Variants in CEP83 observed in about 807,000 individuals in gnomAD.
CEP83 encodes centrosomal protein of 83 kDa.
Under a neutral mutation model 101.9 loss-of-function variants are expected in CEP83, and 70 were observed. That is an observed-to-expected ratio of 0.69 (90% CI 0.57 to 0.84). The LOEUF (loss-of-function observed/expected upper bound fraction) is 0.84. Ranked by LOEUF, CEP83 falls within the 40% of genes least tolerant of loss-of-function variation. The probability of loss-of-function intolerance (pLI) is 0.00; values close to 1 mark genes in which losing one functional copy is unlikely to be tolerated. For missense variants in CEP83, 715 were observed against 787.2 expected (o/e 0.91, Z 1.10); for synonymous variants, 264 against 267.9 (o/e 0.99, Z 0.14).
chr12:94,355,195 C>T (rs2060396240), intron 11 of CEP83, among the ~76,000 whole-genome samples: 1 of 151,992 alleles, frequency 6.6e-6, no homozygotes, highest in African/African-American at 2.4e-5. Context: ...CCCCAGGGAA[C>T]TAGAAAAACA....
intron 14 of CEP83, among the ~76,000 whole-genome samples, chr12:94,326,770 T>C (rs2058989986): frequency 1.3e-5 from 2 of 152,086 alleles, no homozygotes; most frequent in South Asian, 4.1e-4. Context: ...GATGTGCCTG[T>C]CTAAAACCCA....
intron 2 of CEP83, chr12:94,425,008 A>C (rs537173244): frequency 4.9e-4 from 491 of 1,011,044 alleles, no homozygotes; most frequent in Middle Eastern, 7.7e-4. Context: ...AGAGAGAGAG[A>C]GAGAGAAAGG....
chr12:94,419,054 T>TAA (rs886692784), intron 2 of CEP83, among the ~76,000 whole-genome samples: 1 of 142,672 alleles, frequency 7.0e-6, no homozygotes, highest in Non-Finnish European at 1.5e-5. Flanking sequence ...GTATAAAAAC[T>TAA]AAAAAAAAAA....
intron 2 of CEP83, chr12:94,423,943 C>T: frequency 6.2e-7 from 1 of 1,612,376 alleles, no homozygotes; most frequent in Non-Finnish European, 8.5e-7. Context: ...GGCCCAGTTG[C>T]TGGGTAAGGG....
chr12:94,455,230 C>T (rs939103485), intron 1 of CEP83, among the ~76,000 whole-genome samples: 1 of 152,168 alleles, frequency 6.6e-6, no homozygotes, highest in Admixed American at 6.5e-5. Context: ...TTGCATGCCC[C>T]TTAAGTTTAA....
the CEP83 span, among the ~76,000 whole-genome samples, chr12:94,291,856 C>T: frequency 6.6e-6 from 1 of 152,146 alleles, no homozygotes. Flanking sequence ...TTGATCCCAT[C>T]ACCCAGTGAA....
intron 11 of CEP83, among the ~76,000 whole-genome samples, chr12:94,343,426 TACAA>T (rs2059781309): frequency 6.7e-6 from 1 of 148,426 alleles, no homozygotes; most frequent in Admixed American, 6.8e-5. Flanking sequence ...GCAGAAAGAG[TACAA>T]ACAATATTGT....
At chr12:94,314,719 G>C (rs966088464) in intron 14 of CEP83, among the ~76,000 whole-genome samples, 1 of 152,002 alleles carries the variant, frequency 6.6e-6, no homozygotes, top group African/African-American at 2.4e-5. Context: ...ATCTCAGAAG[G>C]CTTCCTTATG....
chr12:94,340,759 TGA>T (rs945026466), intron 11 of CEP83, among the ~76,000 whole-genome samples: 11 of 152,184 alleles, frequency 7.2e-5, no homozygotes, highest in African/African-American at 2.7e-4. Context: ...TTTTTAAACT[TGA>T]GTTTGCTAAC....
At chr12:94,361,381 GA>G (rs1247933766) in intron 11 of CEP83, 9 of 152,142 alleles carry the variant, frequency 5.9e-5, no homozygotes, top group African/African-American at 1.9e-4. Flanking sequence ...CCCAAGAGTA[GA>G]GGACCACCAG....
At chr12:94,326,193 A>C (rs144598233) in intron 14 of CEP83, among the ~76,000 whole-genome samples, 1 of 152,300 alleles carries the variant, frequency 6.6e-6, no homozygotes, top group African/African-American at 2.4e-5. Flanking sequence ...AGGGTGGCTC[A>C]CACAGAGAGG....
intron 6 of CEP83, among the ~76,000 whole-genome samples, chr12:94,387,015 T>G (rs557754891): frequency 4.6e-5 from 7 of 152,274 alleles, no homozygotes; most frequent in African/African-American, 1.7e-4. Flanking sequence ...GGGAAAGGAC[T>G]CCCTATTTAA....
Position 94,413,863 on chromosome 12 carries a change from CACAT to C in CEP83, c.-101-1276_-101-1273del, listed in dbSNP as rs1249458075. 3.0e-3 allele frequency among the ~76,000 whole-genome samples: 431 copies of C among 145,294 alleles called. 1 individual carries two copies. Among genetic ancestry groups the C allele is most frequent in the East Asian group, 0.021 (107 of 5,020 alleles). On this transcript the variant is annotated intron_variant, in intron 2 of 16. Transcript: ENST00000397809. ...ACACACACACACACACACACACACA[CACAT>C]ACATACATATTTTTTTCCTGATAGA...
At chr12:94,356,698 G>C (rs1340959316) in intron 11 of CEP83, among the ~76,000 whole-genome samples, 1 of 152,190 alleles carries the variant, frequency 6.6e-6, no homozygotes, top group Admixed American at 6.5e-5. Context: ...CTTTTGTAAT[G>C]GGACTGTTAA....
intron 1 of CEP83, among the ~76,000 whole-genome samples, chr12:94,456,436 G>T (rs1004594368): frequency 1.3e-5 from 2 of 152,166 alleles, no homozygotes; most frequent in Admixed American, 1.3e-4. Context: ...ATCTGTCATT[G>T]TATTAGTCCA....
At chr12:94,401,766 TA>T (rs201992229) in intron 5 of CEP83, among the ~76,000 whole-genome samples, 5 of 150,078 alleles carry the variant, frequency 3.3e-5, no homozygotes, top group African/African-American at 7.3e-5. Flanking sequence ...TGCTTTGATT[TA>T]AAAAAAAAAG....
At chr12:94,309,874 A>C (rs1969571507) in intron 16 of CEP83, 44 bp downstream of exon 16, 1 of 1,291,320 alleles carries the variant, frequency 7.7e-7, no homozygotes, top group East Asian at 2.5e-5. Context: ...AAAACCTACA[A>C]AAATGTACGA....
rs905171275 is a variant in CEP83 at position 94,307,835 on chromosome 12, G to C, written c.*978C>G. On this transcript the variant is annotated 3_prime_UTR_variant, in exon 17 of 17. Transcript: ENST00000397809. ...AACCTAGTTTGCTAAATGGTGCTAA[G>C]GACTGCTCAATTACAGTCCTGGCCT... 1 of 152,010 alleles carries C rather than the reference G, an allele frequency of 6.6e-6. No homozygotes were observed. Among genetic ancestry groups the C allele is most frequent in the African/African-American group, 2.4e-5 (1 of 41,384 alleles). The allele number at this position is 152,010 out of a possible 1,614,324, so 9.4% of individuals were successfully genotyped here. A position where few individuals can be genotyped will look rare whatever the true frequency, so the allele number is the denominator to read the frequency against.
chr12:94,343,793 G>T (rs1214830700), intron 11 of CEP83, among the ~76,000 whole-genome samples: 1 of 152,096 alleles, frequency 6.6e-6, no homozygotes, highest in Non-Finnish European at 1.5e-5. Context: ...GCGCCCAGCC[G>T]AAATTAACTT....
Sources: gnomAD v4.1 joint callset for allele counts (sites outside exome capture counted in the v4.1 genomes callset) on GRCh38, gnomAD v4.1.1 for gene constraint, MANE v1.5 for transcripts, NCBI Gene and HGNC (gene_info 2026-07-23, HGNC 2026-07-21) for gene names.